The following EGFR variants were observed in gnomAD, a reference collection of about 807,000 sequenced individuals.
The protein encoded by EGFR is epidermal growth factor receptor.
EGFR carries 58 observed loss-of-function variants against 143.0 expected under a neutral mutation model. That is an observed-to-expected ratio of 0.41 (90% CI 0.33 to 0.50). The LOEUF (loss-of-function observed/expected upper bound fraction) is 0.50, where lower values mean the gene tolerates loss of function less well. EGFR is among the 20% of genes least tolerant of loss of function. EGFR has a pLI of 0.39. For missense variants in EGFR, 1,307 were observed against 1,579.0 expected (o/e 0.83, Z 2.92); for synonymous variants, 613 against 594.4 (o/e 1.03, Z -0.45).
intron 12 of EGFR, among the ~76,000 whole-genome samples, chr7:55,160,561 G>C (rs1020884826): frequency 5.9e-5 from 9 of 152,166 alleles, no homozygotes; most frequent in African/African-American, 2.2e-4. Flanking sequence ...CTGAGGTTTA[G>C]GCTACCAATT....
chr7:55,167,594 G>A (rs1289671543), intron 15 of EGFR, among the ~76,000 whole-genome samples: 10 of 151,518 alleles, frequency 6.6e-5, no homozygotes, highest in African/African-American at 2.4e-4. Context: ...GAGTCACAGT[G>A]GTGGTGGTGT....
At chr7:55,118,183 C>T (rs1039580658) in intron 1 of EGFR, among the ~76,000 whole-genome samples, 4 of 152,150 alleles carry the variant, frequency 2.6e-5, no homozygotes, top group Non-Finnish European at 4.4e-5. Flanking sequence ...ATGGGGACCT[C>T]CTGTTGGAGG....
chr7:55,070,680 G>A (rs1789769407), intron 1 of EGFR, among the ~76,000 whole-genome samples: 1 of 152,192 alleles, frequency 6.6e-6, no homozygotes. Flanking sequence ...GAGTCCCCCA[G>A]TTTATGTCTT....
At position 55,210,096 on chromosome 7, in the gene EGFR, G is replaced by T. The variant is rs920650833; in HGVS notation, c.*4479G>T. The T allele has an allele frequency of 2.6e-5, 4 of 152,086 alleles. No individual in the cohort carries two copies. The East Asian group carries it at 5.8e-4, about 22-fold the overall frequency. The allele number at this position is 152,086 out of a possible 1,614,324, so 9.4% of individuals were successfully genotyped here. ...CTGTTGGGGCAGTGTTAATGGAAAG[G>T]GCTCACTGTTGTTACTACTAGAAAA... On this transcript the variant is annotated 3_prime_UTR_variant, in exon 28 of 28. Coordinates refer to ENST00000275493, the MANE Select transcript of EGFR (RefSeq NM_005228.5).
intron 15 of EGFR, chr7:55,166,431 C>G: frequency 2.0e-6 from 1 of 499,314 alleles, no homozygotes; most frequent in Non-Finnish European, 3.9e-6. Flanking sequence ...GCCTCACTTT[C>G]TTTTCTGTAA....
chr7:55,155,739 C>T (rs2128937142), intron 7 of EGFR, 91 bp from the exon 8 acceptor site: 2 of 944,134 alleles, frequency 2.1e-6, no homozygotes, highest in Non-Finnish European at 3.5e-6. Context: ...GGAGCCTTTC[C>T]ATCACCCCTC....
At chr7:55,020,492 T>C (rs535235556) in intron 1 of EGFR, among the ~76,000 whole-genome samples, 78 of 152,242 alleles carry the variant, frequency 5.1e-4, no homozygotes, top group African/African-American at 1.8e-3. Context: ...ACCCGGAGAC[T>C]TTCTTTCTTG....
chr7:55,034,989 C>A (rs1787475776), intron 1 of EGFR, among the ~76,000 whole-genome samples: 1 of 152,108 alleles, frequency 6.6e-6, no homozygotes, highest in Non-Finnish European at 1.5e-5. Flanking sequence ...TCCATGAGAT[C>A]CTAGAGGTTG....
chr7:55,056,035 C>A (rs1233093600), intron 1 of EGFR, among the ~76,000 whole-genome samples: 1 of 152,032 alleles, frequency 6.6e-6, no homozygotes, highest in Non-Finnish European at 1.5e-5. Flanking sequence ...GTGATTCATT[C>A]GTTCCACAAC....
intron 1 of EGFR, among the ~76,000 whole-genome samples, chr7:55,125,984 T>TC (rs2128916961): frequency 6.6e-6 from 1 of 152,294 alleles, no homozygotes; most frequent in African/African-American, 2.4e-5. Context: ...TCATCTCTGC[T>TC]AGGCTCTGTT....
chr7:55,205,165 T>C (rs187798716), intron 27 of EGFR, 91 bp from the exon 28 acceptor site: 4 of 1,556,780 alleles, frequency 2.6e-6, no homozygotes, highest in Non-Finnish European at 3.5e-6. Context: ...AGTCTCCTTG[T>C]TGAGGACATT....
At chr7:55,106,739 A>G (rs1358419553) in intron 1 of EGFR, among the ~76,000 whole-genome samples, 4 of 152,246 alleles carry the variant, frequency 2.6e-5, no homozygotes, top group Admixed American at 2.6e-4. Context: ...GTATCCTATT[A>G]TCAACATTTA....
chr7:55,056,049 TCAC>T (rs1214882855), intron 1 of EGFR, among the ~76,000 whole-genome samples: 4 of 152,092 alleles, frequency 2.6e-5, no homozygotes, highest in Admixed American at 1.3e-4. Flanking sequence ...CCACAACACT[TCAC>T]CAATTAAAGA....
chr7:55,058,346 A>G (rs961375971), intron 1 of EGFR, among the ~76,000 whole-genome samples: 6 of 152,076 alleles, frequency 3.9e-5, no homozygotes, highest in African/African-American at 1.4e-4. Flanking sequence ...GTGAACAGAG[A>G]TGAAGCCACT....
rs115834855 is a variant in EGFR at position 55,123,764 on chromosome 7, G to A, written c.89-18522G>A. The stretch of plus-strand genomic sequence containing the variant: ...GAAGAAACCTAGAGGAATCAAGCAG[G>A]AGGGGAGAGTAATAAAAGACTAGAG... On this transcript the variant is annotated intron_variant, in intron 1 of 27. Transcript: ENST00000275493. Among the ~76,000 whole-genome samples the A allele has an allele frequency of 5.4e-3, 821 of 152,196 alleles. 9 individuals are homozygous for A. Among genetic ancestry groups the A allele is most frequent in the African/African-American group, 0.019 (794 of 41,524 alleles).
chr7:55,155,415 C>T (rs34072530), intron 7 of EGFR, among the ~76,000 whole-genome samples: 1 of 152,360 alleles, frequency 6.6e-6, no homozygotes, highest in East Asian at 1.9e-4. Flanking sequence ...GCACTCCAGC[C>T]TGGGTGACAG....
chr7:55,058,069 A>C (rs375074411), intron 1 of EGFR, among the ~76,000 whole-genome samples: 3 of 152,372 alleles, frequency 2.0e-5, no homozygotes, highest in East Asian at 3.9e-4. Flanking sequence ...TCATTACTGG[A>C]TATATACCCA....
intron 6 of EGFR, 37 bp from the exon 7 acceptor site, chr7:55,153,974 T>TA (rs1785282331): frequency 6.2e-7 from 1 of 1,613,992 alleles, no homozygotes; most frequent in Admixed American, 1.7e-5. Flanking sequence ...TGAGTGTACT[T>TA]ACCTCACTTG....
intron 1 of EGFR, among the ~76,000 whole-genome samples, chr7:55,136,354 G>C (rs1322962241): frequency 6.6e-6 from 1 of 152,232 alleles, no homozygotes; most frequent in South Asian, 2.1e-4. Context: ...CAACCAGAAA[G>C]TGGCAAGGAC....
Sources: gnomAD v4.1 joint callset for allele counts (sites outside exome capture counted in the v4.1 genomes callset) on GRCh38, gnomAD v4.1.1 for gene constraint, MANE v1.5 for transcripts, NCBI Gene and HGNC (gene_info 2026-07-23, HGNC 2026-07-21) for gene names.